The following ARHGEF3 variants were observed in gnomAD, a reference collection of about 807,000 sequenced individuals.
ARHGEF3 encodes Rho guanine nucleotide exchange factor 3, also known as 59.8 kDA protein.
In ARHGEF3, 28 loss-of-function variants were observed where a neutral mutation model predicts 63.2. The ratio of observed to expected loss-of-function variants is 0.44; its 90% CI spans 0.33 to 0.61. The LOEUF (loss-of-function observed/expected upper bound fraction) is 0.61, where lower values mean the gene tolerates loss of function less well. ARHGEF3 is among the 20% of genes least tolerant of loss of function. The pLI is 0.03. For missense variants in ARHGEF3, 533 were observed against 659.3 expected (o/e 0.81, Z 2.10); for synonymous variants, 266 against 254.2 (o/e 1.05, Z -0.44).
intron 4 of ARHGEF3, among the ~76,000 whole-genome samples, chr3:56,871,895 G>A (rs6445832): frequency 0.97 from 147,437 of 152,280 alleles, 71,556 homozygotes; most frequent in East Asian, 1. Context: ...GGAGGCTACA[G>A]ATCACAGAAG....
At chr3:56,967,997 TAA>T (rs1700666946) in intron 2 of ARHGEF3, among the ~76,000 whole-genome samples, 3 of 48,836 alleles carry the variant, frequency 6.1e-5, no homozygotes, top group African/African-American at 1.4e-4. Context: ...ATAAAATATA[TAA>T]TATATATTTT....
chr3:56,833,737 G>T (rs62249813), intron 4 of ARHGEF3, among the ~76,000 whole-genome samples: 12,870 of 152,196 alleles, frequency 0.085, 796 homozygotes, highest in Admixed American at 0.21. Flanking sequence ...CACAGAATAT[G>T]CACATTTACA....
At position 56,916,248 on chromosome 3, in the gene ARHGEF3, C is replaced by G. The variant is rs144670257; in HGVS notation, c.130-33894G>C. On this transcript the variant is annotated intron_variant, in intron 3 of 12. Transcript: ENST00000338458. Reference sequence around the variant, plus strand: ...CACACCTCAGATCCTGGCACCACCCCACCCGGCTCGGGTGGGAGTTGAGAG... The same window carrying G: ...CACACCTCAGATCCTGGCACCACCCGACCCGGCTCGGGTGGGAGTTGAGAG... 6.6e-4 allele frequency: 1,008 copies of G among 1,517,990 alleles called. 3 individuals are homozygous for G. In the African/African-American group the frequency reaches 0.013, roughly 19 times the overall value. The allele number at this position is 1,517,990 out of a possible 1,614,324, so 94.0% of individuals were successfully genotyped here.
chr3:56,997,983 A>C (rs901595609), intron 2 of ARHGEF3, among the ~76,000 whole-genome samples: 3 of 152,224 alleles, frequency 2.0e-5, no homozygotes, highest in Non-Finnish European at 4.4e-5. Flanking sequence ...CCTCATCTGC[A>C]AAATGAGGCG....
At chr3:56,899,421 C>T (rs2041430837) in intron 3 of ARHGEF3, among the ~76,000 whole-genome samples, 1 of 152,184 alleles carries the variant, frequency 6.6e-6, no homozygotes, top group African/African-American at 2.4e-5. Flanking sequence ...TTGAATACTC[C>T]CCTAACGTTT....
At chr3:56,966,677 G>C (rs1026877088) in intron 2 of ARHGEF3, among the ~76,000 whole-genome samples, 5 of 152,060 alleles carry the variant, frequency 3.3e-5, no homozygotes, top group Admixed American at 2.0e-4. Flanking sequence ...GGGGAAAAGA[G>C]AGTCAGGGGT....
At chr3:56,796,018 A>G (rs2037343740) in intron 1 of ARHGEF3, among the ~76,000 whole-genome samples, 1 of 151,864 alleles carries the variant, frequency 6.6e-6, no homozygotes, top group African/African-American at 2.4e-5. Context: ...ACTGGCTTTC[A>G]CTCCTGACAG....
intron 2 of ARHGEF3, among the ~76,000 whole-genome samples, chr3:57,033,689 G>A (rs1467574202): frequency 1.3e-5 from 2 of 152,056 alleles, no homozygotes; most frequent in Non-Finnish European, 2.9e-5. Flanking sequence ...ATGAAAATGG[G>A]AGTCAATGGG....
chr3:57,026,772 C>T (rs1703493493), intron 2 of ARHGEF3, among the ~76,000 whole-genome samples: 1 of 152,200 alleles, frequency 6.6e-6, no homozygotes, highest in African/African-American at 2.4e-5. Context: ...CAGAGGCCAC[C>T]TGGTGTGTGT....
intron 2 of ARHGEF3, among the ~76,000 whole-genome samples, chr3:57,008,692 G>A (rs1403006458): frequency 6.6e-6 from 1 of 152,042 alleles, no homozygotes; most frequent in Non-Finnish European, 1.5e-5. Flanking sequence ...GGCCGGTCTT[G>A]AACTCCTGGC....
In ARHGEF3 at chr3:56,797,376, G is replaced by C. The variant is rs1276289017; in HGVS notation, c.96+4327C>G. ...CCAACTGAACAGCCTCGGAATGATG[G>C]CTCAATGACCATAACCAGATCCTAT... On this transcript the variant is annotated intron_variant, in intron 1 of 9. Coordinates refer to ENST00000296315, the MANE Select transcript of ARHGEF3 (RefSeq NM_019555.3). Among the ~76,000 whole-genome samples, 3 of 152,258 alleles carry C rather than the reference G, an allele frequency of 2.0e-5. 1 individual carries two copies. The highest frequency in any genetic ancestry group is 7.2e-5 in the African/African-American group (3 of 41,542).
intron 1 of ARHGEF3, among the ~76,000 whole-genome samples, chr3:56,800,223 CAATTTATT>C (rs2037572040): frequency 6.6e-6 from 1 of 152,186 alleles, no homozygotes; most frequent in Non-Finnish European, 1.5e-5. Context: ...TGGCCCACTT[CAATTTATT>C]AATTTATTGG....
chr3:56,770,653 T>C (rs1312851303), intron 2 of ARHGEF3, among the ~76,000 whole-genome samples: 1 of 152,102 alleles, frequency 6.6e-6, no homozygotes, highest in African/African-American at 2.4e-5. Context: ...CTGCTAACTC[T>C]GCATACAACT....
intron 2 of ARHGEF3, among the ~76,000 whole-genome samples, chr3:57,006,519 T>A (rs1056060276): frequency 6.6e-6 from 1 of 152,184 alleles, no homozygotes; most frequent in African/African-American, 2.4e-5. Context: ...AGAGCCCACA[T>A]GCTGACAGGC....
chr3:56,950,392 G>C (rs1475250145), intron 3 of ARHGEF3, among the ~76,000 whole-genome samples: 1 of 151,886 alleles, frequency 6.6e-6, no homozygotes. Context: ...CTGACAAAAG[G>C]CTAATATCCA....
chr3:56,939,817 T>C (rs1354671887), intron 3 of ARHGEF3: 2 of 152,212 alleles, frequency 1.3e-5, no homozygotes, highest in African/African-American at 2.4e-5. Context: ...GGAGGACAGA[T>C]AGGGAAGAAT....
intron 4 of ARHGEF3, among the ~76,000 whole-genome samples, chr3:56,843,175 A>G (rs1029044209): frequency 2.6e-5 from 4 of 152,222 alleles, no homozygotes; most frequent in Non-Finnish European, 5.9e-5. Context: ...GCATGGATGT[A>G]TCTTTGAAAA....
intron 2 of ARHGEF3, among the ~76,000 whole-genome samples, chr3:57,012,794 G>A (rs1418260211): frequency 2.6e-5 from 4 of 152,364 alleles, no homozygotes; most frequent in South Asian, 2.1e-4. Context: ...CACTTGAGGA[G>A]CCCTTCAGCC....
intron 4 of ARHGEF3, among the ~76,000 whole-genome samples, chr3:56,881,821 G>T (rs2040773701): frequency 6.6e-6 from 1 of 152,150 alleles, no homozygotes; most frequent in African/African-American, 2.4e-5. Context: ...CACACAGATG[G>T]TAAGTACAGA....
Sources: allele counts gnomAD v4.1 joint callset (sites outside exome capture counted in the v4.1 genomes callset), GRCh38; gene constraint gnomAD v4.1.1; transcripts MANE v1.5; gene names NCBI Gene and HGNC (gene_info 2026-07-23, HGNC 2026-07-21).